The following MLXIPL variants were observed in gnomAD, a reference collection of about 807,000 sequenced individuals.
MLXIPL encodes carbohydrate-responsive element-binding protein.
A neutral mutation model predicts 81.5 loss-of-function variants in MLXIPL; 49 were observed. That is an observed-to-expected ratio of 0.60 (90% CI 0.48 to 0.76). MLXIPL has a LOEUF of 0.76. MLXIPL is among the 30% of genes least tolerant of loss of function. The pLI is 0.00. For missense variants in MLXIPL, 1,053 were observed against 1,167.0 expected (o/e 0.90, Z 1.42); for synonymous variants, 466 against 485.5 (o/e 0.96, Z 0.53).
chr7:73,641,998 GC>G, the MLXIPL span, among the ~76,000 whole-genome samples: 1 of 152,098 alleles, frequency 6.6e-6, no homozygotes, highest in Non-Finnish European at 1.5e-5. Context: ...ATTCCCACAA[GC>G]CTGCCTCTAC....
At chr7:73,633,276 G>A in the MLXIPL span, among the ~76,000 whole-genome samples, 60 of 150,642 alleles carry the variant, frequency 4.0e-4, no homozygotes, top group South Asian at 3.4e-3. Context: ...TAGAGACGGG[G>A]TTTCACCGTG....
chr7:73,624,366 G>T lies in MLXIPL; in HGVS notation c.127C>A (p.Arg43Ser), dbSNP rs1358292547. The change falls in exon 1 of 17, where the codon CGC becomes AGC. Residue 43 changes from arginine to serine, a missense_variant. Around this residue, in one of 3 missense-constraint regions of MLXIPL, gnomAD observed 226 missense variants for 216.2 expected, o/e 1.05. Transcript: ENST00000313375. ...SLRRSAGGLL[R>S]SQVIHSGHFM... ...TGACCGCTGTGGATGACCTGCGAGC[G>T]GAGCAAGCCGCCCGCGCTGCGCCGG... 1 of 1,578,392 alleles carries T rather than the reference G, an allele frequency of 6.3e-7. No homozygotes were observed. Among genetic ancestry groups the T allele is most frequent in the Non-Finnish European group, 8.6e-7 (1 of 1,166,632 alleles).
At position 73,596,110 on chromosome 7, in the gene MLXIPL, G is replaced by T. The variant is rs782471433; in HGVS notation, c.2058+43C>A. The T allele has an allele frequency of 5.6e-6, 9 of 1,606,230 alleles. No individual in the cohort carries two copies. The highest frequency in any genetic ancestry group is 1.1e-5 in the South Asian group (1 of 90,860). On this transcript the variant is annotated intron_variant, in intron 13 of 16. Transcript: ENST00000313375. The surrounding 1 kb of genome is among the most constrained non-coding windows in gnomAD (Gnocchi z 4.7). ...TTTGGGTGGGGGGGGTCCAGAAAGG[G>T]GCCCTGTGGTTTTGGGGGTGCCAGC... is the stretch of plus-strand genomic sequence containing the variant.
At chr7:73,612,407 G>A (rs1240968611) in intron 2 of MLXIPL, among the ~76,000 whole-genome samples, 1 of 152,092 alleles carries the variant, frequency 6.6e-6, no homozygotes, top group South Asian at 2.1e-4. Flanking sequence ...TTGGGAGGCC[G>A]AGGTGGGCGG....
At chr7:73,613,547 G>A (rs544270540) in intron 2 of MLXIPL, among the ~76,000 whole-genome samples, 3 of 152,282 alleles carry the variant, frequency 2.0e-5, no homozygotes, top group South Asian at 2.1e-4. Flanking sequence ...GCAGTGAGCC[G>A]AGATCGTGCC....
At chr7:73,605,622 G>T (rs1795208696) in intron 7 of MLXIPL, 66 bp downstream of exon 7, 2 of 1,470,668 alleles carry the variant, frequency 1.4e-6, no homozygotes, top group Non-Finnish European at 1.9e-6. Flanking sequence ...GGCCTGGGAT[G>T]GGCTCATCGG....
intron 1 of MLXIPL, among the ~76,000 whole-genome samples, chr7:73,621,761 C>G (rs1397160867): frequency 1.9e-5 from 2 of 107,266 alleles, no homozygotes; most frequent in Non-Finnish European, 4.0e-5. Context: ...CCCTCCCTCC[C>G]TTCCTCCCTC....
At position 73,597,574 on chromosome 7, in the gene MLXIPL, A is replaced by C; in HGVS notation, c.1211T>G (p.Val404Gly). ...PLLHYPPPAKVPGLEPCPPPP... is the reference protein window; with the variant it reads ...PLLHYPPPAKGPGLEPCPPPP... ...TGGGGGGCAGGGCTCCAGGCCTGGC[A>C]CCTTGGCAGGGGGAGGGTAATGCAG... Residue 404 changes from valine to glycine, a missense_variant, in exon 9 of 17, where the codon GTG becomes GGG. Physicochemically the swap from Val to Gly is moderately radical, Grantham distance 109. Coordinates refer to ENST00000313375, the MANE Select transcript of MLXIPL (RefSeq NM_032951.3). 9.6e-7 allele frequency: 1 copy of C among 1,036,804 alleles called. No individual in the cohort carries two copies. 64.2% of individuals were successfully genotyped at this position (1,036,804 alleles called of 1,614,324 possible). A position where few individuals can be genotyped will look rare whatever the true frequency, so the allele number is the denominator to read the frequency against.
upstream of MLXIPL, chr7:73,624,530 G>A (rs1319479260): frequency 4.7e-6 from 7 of 1,503,430 alleles, no homozygotes; most frequent in African/African-American, 2.9e-5. Context: ...CCTGCTCCGC[G>A]CAGCGCGGGG....
At chr7:73,631,586 T>TTTTTA in the MLXIPL span, among the ~76,000 whole-genome samples, 13 of 143,222 alleles carry the variant, frequency 9.1e-5, no homozygotes, top group African/African-American at 3.3e-4. Context: ...TTTTTTTTTT[T>TTTTTA]AGGTAGAGAT....
At chr7:73,601,176 AGTGTGTGTGTGTGT>A (rs55639253) in intron 7 of MLXIPL, among the ~76,000 whole-genome samples, 4 of 137,654 alleles carry the variant, frequency 2.9e-5, no homozygotes, top group Admixed American at 1.5e-4. Flanking sequence ...TGCAGGGTCA[AGTGTGTGTGTGTGT>A]GTGTGTGTGT....
rs1554592925 is a variant in MLXIPL, at chr7:73,594,348, G to C, written c.2366C>G (p.Ala789Gly). The C allele has an allele frequency of 6.2e-7, 1 of 1,609,784 alleles. No individual in the cohort carries two copies. Among genetic ancestry groups the C allele is most frequent in the African/African-American group, 1.3e-5 (1 of 74,900 alleles). The stretch of plus-strand genomic sequence containing the variant: ...GGTCTGGCGGAGGGTGTGCACACTT[G>C]CCGTGGACACCATCCCGTTGAAGGA... ...FESFNGMVST[A>G]SVHTLRQTSL... The change falls in exon 16 of 17, where the codon GCA becomes GGA. Residue 789 changes from alanine (A) to glycine (G), a missense_variant. By Grantham distance (60) the Ala-to-Gly change is moderately conservative (BLOSUM62 0). Transcript: ENST00000313375.
At chr7:73,626,783 AG>A (rs1260478452), upstream of MLXIPL, among the ~76,000 whole-genome samples, 1 of 152,174 alleles carries the variant, frequency 6.6e-6, no homozygotes, top group Non-Finnish European at 1.5e-5. Context: ...AAAGAGTTGT[AG>A]GCACATGCTA....
intron 5 of MLXIPL, 143 bp downstream of exon 5, chr7:73,606,831 C>G (rs782747134): frequency 2.4e-5 from 22 of 920,836 alleles, no homozygotes; most frequent in Non-Finnish European, 3.8e-5. Flanking sequence ...ACAAATGAAC[C>G]ACAGGATGGC....
intron 15 of MLXIPL, 104 bp downstream of exon 15, chr7:73,595,533 G>C: frequency 6.2e-7 from 1 of 1,608,642 alleles, no homozygotes. Context: ...GAGCAGCTCT[G>C]AGCCTGCCCG....
upstream of MLXIPL, among the ~76,000 whole-genome samples, chr7:73,627,713 CTT>C (rs1178719584): frequency 3.9e-5 from 6 of 152,200 alleles, no homozygotes; most frequent in Middle Eastern, 3.4e-3. Flanking sequence ...TACCTGGAGA[CTT>C]GGGGGATGCT....
intron 2 of MLXIPL, among the ~76,000 whole-genome samples, chr7:73,612,302 G>A (rs1196116671): frequency 1.3e-5 from 2 of 152,012 alleles, no homozygotes; most frequent in African/African-American, 2.4e-5. Flanking sequence ...CTGCACTCCA[G>A]CCTGGGTGAT....
At chr7:73,594,481 C>A in intron 15 of MLXIPL, 78 bp from the exon 16 acceptor site, 1 of 1,576,400 alleles carries the variant, frequency 6.3e-7, no homozygotes, top group Non-Finnish European at 8.6e-7. Flanking sequence ...CCAGTTCAAA[C>A]CAGGGGAAGA....
chr7:73,612,642 C>CA (rs11343007), intron 2 of MLXIPL, among the ~76,000 whole-genome samples: 105 of 113,014 alleles, frequency 9.3e-4, no homozygotes, highest in East Asian at 1.4e-3. Context: ...ACCCCCATCT[C>CA]AAAAAAAAAA....
Sources: allele counts gnomAD v4.1 joint callset (sites outside exome capture counted in the v4.1 genomes callset), GRCh38; gene constraint gnomAD v4.1.1; regional missense constraint gnomAD v4.1.1; non-coding constraint Gnocchi (gnomAD v3.1); transcripts MANE v1.5; gene names NCBI Gene and HGNC (gene_info 2026-07-23, HGNC 2026-07-21).